The following ZNF134 variants were observed in gnomAD, a reference collection of about 807,000 sequenced individuals.
ZNF134 encodes the protein zinc finger protein 134 (clone pHZ-15).
Under a neutral mutation model 2.5 loss-of-function variants are expected in ZNF134, and 5 were observed. The observed-to-expected ratio is 2.03, with a 90% CI of 1.06 to 4.27. The LOEUF is 4.27. ZNF134 is among the 30% of genes most tolerant of loss of function. The pLI, the probability that ZNF134 is intolerant of heterozygous loss-of-function variation, is 0.00. For synonymous variants in ZNF134, 176 were observed against 176.2 expected, an observed-to-expected ratio of 1.00 and a Z score of 0.01; for missense variants, 540 against 517.5, an observed-to-expected ratio of 1.04 and a Z score of -0.42.
At position 57,623,844 on chromosome 19, in the gene ZNF134, G is replaced by C. The variant is rs1358977439; in HGVS notation, c.*2441G>C. 1 of 152,156 alleles carries C rather than the reference G, an allele frequency of 6.6e-6. No individual in the cohort carries two copies. The highest frequency in any genetic ancestry group is 1.5e-5 in the Non-Finnish European group (1 of 68,028). 9.4% of individuals were successfully genotyped at this position (152,156 alleles called of 1,614,324 possible). ...CTGCATAAACCTCTTTTCTAATGTTGTGAATTTCAGTGATGTACAGGAGAC... is the reference window on the plus strand; with the variant it reads ...CTGCATAAACCTCTTTTCTAATGTTCTGAATTTCAGTGATGTACAGGAGAC... On this transcript the variant is annotated 3_prime_UTR_variant, in exon 3 of 3. Transcript: ENST00000396161.
chr19:57,621,182 C>T lies in ZNF134; in HGVS notation c.1063C>T (p.Arg355Ter), dbSNP rs764230562. ...ECIECGKFFS[R>*]SSDYIAHQRV... Reference sequence around the variant, plus strand: ...CATTGAATGCGGGAAATTCTTTAGTCGAAGTTCTGACTATATTGCACACCA... The same window carrying T: ...CATTGAATGCGGGAAATTCTTTAGTTGAAGTTCTGACTATATTGCACACCA... Residue 355 changes from arginine to a stop codon, truncating the protein, a stop_gained, in exon 3 of 3, where the codon CGA (arginine) becomes TGA (stop). Transcript: ENST00000396161. LOFTEE classifies it low-confidence loss of function (END_TRUNC). 28 of 1,614,024 alleles carry T rather than the reference C, an allele frequency of 1.7e-5. No individual in the cohort carries two copies. Among genetic ancestry groups the T allele is most frequent in the African/African-American group, 2.7e-5 (2 of 74,910 alleles).
chr19:57,619,924 T>C (rs1047518169), intron 2 of ZNF134, among the ~76,000 whole-genome samples: 4 of 152,202 alleles, frequency 2.6e-5, no homozygotes, highest in Non-Finnish European at 5.9e-5. Context: ...GAGGATTAAG[T>C]TGGAGACCTT....
chr19:57,614,937 G>A (rs1981009262), intron 1 of ZNF134, among the ~76,000 whole-genome samples: 1 of 152,138 alleles, frequency 6.6e-6, no homozygotes, highest in Admixed American at 6.5e-5. Flanking sequence ...AAGTGTTGCG[G>A]TGGTGGCTGG....
chr19:57,621,573 C>T lies in ZNF134; in HGVS notation c.*170C>T. On this transcript the variant is annotated 3_prime_UTR_variant, in exon 3 of 3. Transcript: ENST00000396161. The stretch of plus-strand genomic sequence containing the variant: ...TGCCAGAGTTATGTCACTGTCAATC[C>T]ATGTGGCCGAAACCATCTTAACTCT... The T allele has an allele frequency of 3.9e-6, 4 of 1,024,148 alleles. No homozygotes were observed. The highest frequency in any genetic ancestry group is 3.0e-6 in the Non-Finnish European group (2 of 656,254). 63.4% of individuals were successfully genotyped at this position (1,024,148 alleles called of 1,614,324 possible). A position where few individuals can be genotyped will look rare whatever the true frequency, so the allele number is the denominator to read the frequency against.
intron 1 of ZNF134, among the ~76,000 whole-genome samples, chr19:57,616,273 A>T (rs1026908038): frequency 6.6e-6 from 1 of 152,258 alleles, no homozygotes; most frequent in Non-Finnish European, 1.5e-5. Context: ...AAGTACGCAG[A>T]AGGAACTAAA....
At position 57,620,616 on chromosome 19, in the gene ZNF134, G is replaced by C. The variant is rs376324721; in HGVS notation, c.497G>C (p.Gly166Ala). The C allele has an allele frequency of 1.9e-6, 3 of 1,614,200 alleles. No individual in the cohort carries two copies. Among genetic ancestry groups the C allele is most frequent in the Non-Finnish European group, 2.5e-6 (3 of 1,180,044 alleles). The part of the protein sequence containing the change: ...KRKTHRSTES[G>A]DAFHGEQMHY... The stretch of plus-strand genomic sequence containing the variant: ...AAGACACACAGGAGCACTGAGAGTG[G>C]GGATGCATTTCATGGTGAACAAATG... Residue 166 changes from glycine to alanine, a missense_variant, in exon 3 of 3, where the codon GGG becomes GCG. Transcript: ENST00000396161.
rs559496247 is a variant in ZNF134 at position 57,622,004 on chromosome 19, G to A, written c.*601G>A. 8.3e-4 allele frequency: 145 copies of A among 174,414 alleles called. 4 individuals are homozygous for A. In the South Asian group the frequency reaches 0.017, roughly 21 times the overall value. The allele number at this position is 174,414 out of a possible 1,614,324, so 10.8% of individuals were successfully genotyped here. A position where few individuals can be genotyped will look rare whatever the true frequency, so the allele number is the denominator to read the frequency against. ...CCAAACTGAAGACAGCCTTTGTGCG[G>A]TGCCTCCAACTTTGCCTCAAATGGG... On this transcript the variant is annotated 3_prime_UTR_variant, in exon 3 of 3. Coordinates refer to ENST00000396161, the MANE Select transcript of ZNF134 (RefSeq NM_003435.5).
rs978032163 is a variant in ZNF134 at position 57,614,430 on chromosome 19, C to T, written c.-131C>T. The T allele has an allele frequency of 2.2e-6, 1 of 445,390 alleles. No individual in the cohort carries two copies. The highest frequency in any genetic ancestry group is 2.0e-5 in the African/African-American group (1 of 49,378). The allele number at this position is 445,390 out of a possible 1,614,324, so 27.6% of individuals were successfully genotyped here. On this transcript the variant is annotated 5_prime_UTR_variant, in exon 1 of 3. Transcript: ENST00000396161. ...CGACCGCGGTGCCAGGGTCCCGCGA[C>T]CTGGGACCCCCTCGCGGCTCCGGGT...
chr19:57,615,608 G>A (rs1239849030), intron 1 of ZNF134, among the ~76,000 whole-genome samples: 1 of 152,194 alleles, frequency 6.6e-6, no homozygotes, highest in Non-Finnish European at 1.5e-5. Flanking sequence ...ACAAAGGAGG[G>A]AAGGGGTTTT....
At chr19:57,614,627 G>A in intron 1 of ZNF134, 124 bp downstream of exon 1, 1 of 322,872 alleles carries the variant, frequency 3.1e-6, no homozygotes, top group Non-Finnish European at 6.1e-6. Flanking sequence ...TGGTGGGTGG[G>A]GGCGAGTGTG....
At position 57,621,596 on chromosome 19, in the gene ZNF134, T is replaced by TGGTAGAG; in HGVS notation, c.*193_*194insGGTAGAG. ...TCCATGTGGCCGAAACCATCTTAAC[T>TGGTAGAG]CTACCAGCTAAGATACCCCAGCATT... is the stretch of plus-strand genomic sequence containing the variant. On this transcript the variant is annotated 3_prime_UTR_variant, in exon 3 of 3. Coordinates refer to ENST00000396161, the MANE Select transcript of ZNF134 (RefSeq NM_003435.5). 1.1e-6 allele frequency: 1 copy of TGGTAGAG among 873,458 alleles called. No individual in the cohort carries two copies. The highest frequency in any genetic ancestry group is 1.9e-6 in the Non-Finnish European group (1 of 519,562). The allele number at this position is 873,458 out of a possible 1,614,324, so 54.1% of individuals were successfully genotyped here. A position where few individuals can be genotyped will look rare whatever the true frequency, so the allele number is the denominator to read the frequency against.
At position 57,621,560 on chromosome 19, in the gene ZNF134, G is replaced by T; in HGVS notation, c.*157G>T. 8.8e-7 allele frequency: 1 copy of T among 1,137,532 alleles called. No homozygotes were observed. The allele number at this position is 1,137,532 out of a possible 1,614,324, so 70.5% of individuals were successfully genotyped here. The stretch of plus-strand genomic sequence containing the variant: ...TGCTCAGGTTTTTTGCCAGAGTTAT[G>T]TCACTGTCAATCCATGTGGCCGAAA... On this transcript the variant is annotated 3_prime_UTR_variant, in exon 3 of 3. Coordinates refer to ENST00000396161, the MANE Select transcript of ZNF134 (RefSeq NM_003435.5).
In ZNF134 at chr19:57,623,376, A is replaced by G. The variant is rs1035221870; in HGVS notation, c.*1973A>G. ...TGCAAATATTGATGCATGAGTCTTT[A>G]TGTGGACACTTAGCTGAGAACATTT... is the stretch of plus-strand genomic sequence containing the variant. On this transcript the variant is annotated 3_prime_UTR_variant, in exon 3 of 3. Transcript: ENST00000396161. 6 of 152,200 alleles carry G rather than the reference A, an allele frequency of 3.9e-5. No individual in the cohort carries two copies. The highest frequency in any genetic ancestry group is 1.4e-4 in the African/African-American group (6 of 41,448). 9.4% of individuals were successfully genotyped at this position (152,200 alleles called of 1,614,324 possible). A position where few individuals can be genotyped will look rare whatever the true frequency, so the allele number is the denominator to read the frequency against.
intron 1 of ZNF134, among the ~76,000 whole-genome samples, chr19:57,617,874 C>A (rs1448003703): frequency 6.6e-6 from 1 of 152,074 alleles, no homozygotes; most frequent in East Asian, 1.9e-4. Context: ...GCGTTCCAGG[C>A]AGAGAGTGGA....
chr19:57,619,321 C>G, intron 1 of ZNF134, 91 bp from the exon 2 acceptor site: 1 of 995,716 alleles, frequency 1.0e-6, no homozygotes, highest in South Asian at 1.4e-5. Context: ...CATTTTGTAG[C>G]ATTTGTTTTC....
chr19:57,620,671 T>C lies in ZNF134; in HGVS notation c.552T>C (p.Ala184=). 4 of 1,613,874 alleles carry C rather than the reference T, an allele frequency of 2.5e-6. No individual in the cohort carries two copies. The highest frequency in any genetic ancestry group is 3.4e-6 in the Non-Finnish European group (4 of 1,179,958). ...ACAAGTGCAGTGAATGTGGGAAAGC[T>C]TTCAGCCGCAAAGACACACTTGTCC... The part of the protein sequence containing the change: ...MHYKCSECGK[A]FSRKDTLVQH... The change falls in exon 3 of 3, where the codon GCT becomes GCC. Residue 184 remains alanine, a synonymous_variant. Coordinates refer to ENST00000396161, the MANE Select transcript of ZNF134 (RefSeq NM_003435.5).
chr19:57,615,442 C>T (rs921091968), intron 1 of ZNF134, among the ~76,000 whole-genome samples: 1 of 151,652 alleles, frequency 6.6e-6, no homozygotes, highest in African/African-American at 2.4e-5. Flanking sequence ...AAGGAGGGGT[C>T]CTGGCATGTG....
Position 57,619,394 on chromosome 19 carries a change from A to G in ZNF134, c.-57-18A>G, listed in dbSNP as rs1345984550. ...TCTCAGCCTGTTTCACCTTTCCCCTATGCTTTGTATCTTCCAGATCCTCTG... is the reference window on the plus strand; with the variant it reads ...TCTCAGCCTGTTTCACCTTTCCCCTGTGCTTTGTATCTTCCAGATCCTCTG... On this transcript the variant is annotated intron_variant, in intron 1 of 2. Coordinates refer to ENST00000396161, the MANE Select transcript of ZNF134 (RefSeq NM_003435.5). 29 of 1,549,048 alleles carry G rather than the reference A, an allele frequency of 1.9e-5. No homozygotes were observed. The highest frequency in any genetic ancestry group is 1.7e-4 in the Middle Eastern group (1 of 5,998).
At chr19:57,619,756 C>T in intron 2 of ZNF134, 1 of 570,574 alleles carries the variant, frequency 1.8e-6, no homozygotes, top group Non-Finnish European at 3.1e-6. Flanking sequence ...TATTGTACTA[C>T]ACTTACACTA....
Sources: gnomAD v4.1 joint callset for allele counts (sites outside exome capture counted in the v4.1 genomes callset) on GRCh38, gnomAD v4.1.1 for gene constraint, MANE v1.5 for transcripts, NCBI Gene and HGNC (gene_info 2026-07-23, HGNC 2026-07-21) for gene names.